Variants in ADAMTSL1 observed in about 807,000 individuals in gnomAD.
The protein encoded by ADAMTSL1 is ADAMTS like 1, also known as ADAMTS-like protein 1.
A neutral mutation model predicts 201.8 loss-of-function variants in ADAMTSL1; 126 were observed. The ratio of observed to expected loss-of-function variants is 0.62; its 90% CI spans 0.54 to 0.72. The LOEUF is 0.72. ADAMTSL1 is among the 30% of genes least tolerant of loss of function. The pLI, the probability that ADAMTSL1 is intolerant of heterozygous loss-of-function variation, is 0.00. For synonymous variants in ADAMTSL1, 1,121 were observed against 903.4 expected (o/e 1.24, Z -4.32); for missense variants, 2,679 against 2,277.8 (o/e 1.18, Z -3.59).
intron 1 of ADAMTSL1, among the ~76,000 whole-genome samples, chr9:17,936,455 A>G (rs1827012949): frequency 1.3e-5 from 2 of 152,174 alleles, no homozygotes; most frequent in South Asian, 4.1e-4. Flanking sequence ...GAGAGAAGAA[A>G]CACAGGCTGG....
chr9:18,424,481 C>T (rs958550876), intron 2 of ADAMTSL1, among the ~76,000 whole-genome samples: 2 of 151,844 alleles, frequency 1.3e-5, no homozygotes, highest in South Asian at 4.2e-4. Flanking sequence ...AATAAGTGCA[C>T]AAAAAAAGTG....
At chr9:18,001,597 C>G (rs1348558930) in intron 1 of ADAMTSL1, among the ~76,000 whole-genome samples, 2 of 152,002 alleles carry the variant, frequency 1.3e-5, no homozygotes, top group African/African-American at 4.8e-5. Flanking sequence ...AAGTTGAAAT[C>G]TAAGAAGAAA....
chr9:18,778,296 C>T (rs1403005210), intron 19 of ADAMTSL1, among the ~76,000 whole-genome samples: 1 of 152,238 alleles, frequency 6.6e-6, no homozygotes, highest in East Asian at 1.9e-4. Flanking sequence ...GACACTGGAA[C>T]ACTGACTCCG....
At chr9:18,814,941 C>A (rs191380822) in intron 20 of ADAMTSL1, among the ~76,000 whole-genome samples, 1 of 152,180 alleles carries the variant, frequency 6.6e-6, no homozygotes, top group East Asian at 1.9e-4. Flanking sequence ...AAATGGCCAA[C>A]AGGCATATGA....
At chr9:18,518,860 A>G (rs962126088) in intron 2 of ADAMTSL1, among the ~76,000 whole-genome samples, 5 of 152,176 alleles carry the variant, frequency 3.3e-5, no homozygotes, top group African/African-American at 1.2e-4. Context: ...GGCATGCGCC[A>G]TGATACCTGG....
rs548750774 is a variant in ADAMTSL1 at position 18,071,508 on chromosome 9, G to A, written c.88-92354G>A. On this transcript the variant is annotated intron_variant, in intron 1 of 29. Coordinates refer to the ADAMTSL1 transcript ENST00000680146. ...ATGTTATTGTTCCAAATTCTCAAAT[G>A]TGAAAAATACTTTGTAAATTACTAG... 8.5e-5 allele frequency among the ~76,000 whole-genome samples: 13 copies of A among 152,318 alleles called. No individual in the cohort carries two copies. The East Asian group carries it at 1.9e-3, about 23-fold the overall frequency.
chr9:18,351,435 A>AC (rs201772745), intron 2 of ADAMTSL1, among the ~76,000 whole-genome samples: 4 of 151,370 alleles, frequency 2.6e-5, no homozygotes, highest in African/African-American at 7.3e-5. Flanking sequence ...CATAAATAAA[A>AC]CCCCCTTTTT....
intron 1 of ADAMTSL1, among the ~76,000 whole-genome samples, chr9:18,016,360 A>G (rs547344517): frequency 6.6e-6 from 1 of 152,000 alleles, no homozygotes; most frequent in Non-Finnish European, 1.5e-5. Context: ...TGATGTCAGT[A>G]AACATAGATA....
At chr9:18,076,620 G>A (rs182704421) in intron 1 of ADAMTSL1, among the ~76,000 whole-genome samples, 14 of 152,322 alleles carry the variant, frequency 9.2e-5, no homozygotes, top group African/African-American at 2.9e-4. Flanking sequence ...TCCATTCAGA[G>A]CAAATAGAAT....
chr9:17,967,881 A>G (rs1818042848), intron 1 of ADAMTSL1, among the ~76,000 whole-genome samples: 1 of 152,018 alleles, frequency 6.6e-6, no homozygotes, highest in Non-Finnish European at 1.5e-5. Flanking sequence ...TCACACTGGG[A>G]TCATGAAAAG....
chr9:18,521,432 C>T (rs770268601), intron 2 of ADAMTSL1, among the ~76,000 whole-genome samples: 2 of 151,368 alleles, frequency 1.3e-5, no homozygotes, highest in Non-Finnish European at 2.9e-5. Flanking sequence ...AATACATACA[C>T]CTACTAGATA....
At chr9:18,017,819 T>C (rs962399809) in intron 1 of ADAMTSL1, among the ~76,000 whole-genome samples, 2 of 152,044 alleles carry the variant, frequency 1.3e-5, no homozygotes, top group African/African-American at 4.8e-5. Flanking sequence ...CAAAGAAAGA[T>C]TGTGTCATTT....
chr9:18,538,673 A>G (rs13301259), intron 3 of ADAMTSL1, among the ~76,000 whole-genome samples: 81,984 of 151,968 alleles, frequency 0.54, 23,401 homozygotes, highest in East Asian at 0.75. Context: ...TTGACCATCC[A>G]TCTTGACTGG....
chr9:18,609,677 T>G (rs778184141), intron 4 of ADAMTSL1, among the ~76,000 whole-genome samples: 16 of 152,092 alleles, frequency 1.1e-4, no homozygotes, highest in Non-Finnish European at 5.9e-5. Context: ...ACATATATAA[T>G]GAGAAAATAC....
At chr9:18,141,756 C>G (rs973629438) in intron 1 of ADAMTSL1, among the ~76,000 whole-genome samples, 3 of 152,190 alleles carry the variant, frequency 2.0e-5, no homozygotes, top group Admixed American at 2.0e-4. Context: ...ATCTCCTGCA[C>G]ATCACATACT....
intron 2 of ADAMTSL1, among the ~76,000 whole-genome samples, chr9:18,224,740 T>C (rs182239717): frequency 6.6e-6 from 1 of 152,238 alleles, no homozygotes; most frequent in East Asian, 1.9e-4. Flanking sequence ...TTATAATCTG[T>C]TACCATAGGT....
intron 2 of ADAMTSL1, among the ~76,000 whole-genome samples, chr9:18,404,905 A>C: frequency 1.3e-5 from 2 of 151,428 alleles, no homozygotes; most frequent in East Asian, 1.9e-4. Context: ...TTCCACATGC[A>C]CCCCTCCCCA....
intron 4 of ADAMTSL1, among the ~76,000 whole-genome samples, chr9:18,595,087 G>T (rs1290424448): frequency 1.3e-5 from 2 of 152,124 alleles, no homozygotes; most frequent in Admixed American, 1.3e-4. Flanking sequence ...AGAAGTTGAT[G>T]TGGCCATCTG....
intron 1 of ADAMTSL1, among the ~76,000 whole-genome samples, chr9:18,093,101 C>T (rs995692803): frequency 6.6e-6 from 1 of 152,112 alleles, no homozygotes; most frequent in African/African-American, 2.4e-5. Context: ...CATAGTGGAA[C>T]TGCATAGGTA....
Sources: allele counts gnomAD v4.1 joint callset (sites outside exome capture counted in the v4.1 genomes callset), GRCh38; gene constraint gnomAD v4.1.1; transcripts MANE v1.5; gene names NCBI Gene and HGNC (gene_info 2026-07-23, HGNC 2026-07-21).